UBE2E2: variants seen among roughly 807,000 people sequenced by gnomAD.
UBE2E2 encodes the protein ubiquitin-conjugating enzyme E2 E2.
Under a neutral mutation model 24.7 loss-of-function variants are expected in UBE2E2, and 6 were observed. The observed-to-expected ratio is 0.24, with a 90% CI of 0.13 to 0.48. The LOEUF is 0.48. Ranked by LOEUF, UBE2E2 falls within the 20% of genes least tolerant of loss-of-function variation. The probability of loss-of-function intolerance (pLI) is 0.99; values close to 1 mark genes in which losing one functional copy is unlikely to be tolerated. For missense variants in UBE2E2, 169 were observed against 245.0 expected (o/e 0.69, Z 2.07); for synonymous variants, 104 against 83.6 (o/e 1.24, Z -1.33).
At position 23,559,910 on chromosome 3, in the gene UBE2E2, A is replaced by G. The variant is rs115896792; in HGVS notation, c.508+27209A>G. 7.7e-3 allele frequency among the ~76,000 whole-genome samples: 1,171 copies of G among 152,210 alleles called. 10 individuals are homozygous for G. The highest frequency in any genetic ancestry group is 0.021 in the African/African-American group (852 of 41,540). ...AGCTCTGTAAGTACATACTGGACCTAATTTGCAAGTAAAAATATACCTCAT... is the reference window on the plus strand; with the variant it reads ...AGCTCTGTAAGTACATACTGGACCTGATTTGCAAGTAAAAATATACCTCAT... On this transcript the variant is annotated intron_variant, in intron 5 of 5. Coordinates refer to ENST00000396703, the MANE Select transcript of UBE2E2 (RefSeq NM_152653.4).
At chr3:23,535,474 C>T (rs917468423) in intron 5 of UBE2E2, among the ~76,000 whole-genome samples, 7 of 152,028 alleles carry the variant, frequency 4.6e-5, no homozygotes, top group African/African-American at 1.7e-4. Flanking sequence ...ACTCAGGTGG[C>T]AGATGTCCAA....
intron 3 of UBE2E2, among the ~76,000 whole-genome samples, chr3:23,296,511 A>G (rs905045533): frequency 1.6e-4 from 25 of 152,078 alleles, no homozygotes; most frequent in Admixed American, 1.5e-3. Context: ...TCCTGTGCCC[A>G]TGTGTTCTCA....
At chr3:23,355,541 C>A (rs7643705) in intron 3 of UBE2E2, among the ~76,000 whole-genome samples, 128,185 of 152,160 alleles carry the variant, frequency 0.84, 54,122 homozygotes, top group African/African-American at 0.91. Context: ...TTAAATGACA[C>A]GGTTGATTTT....
At chr3:23,492,003 T>A (rs572147523) in intron 3 of UBE2E2, among the ~76,000 whole-genome samples, 1 of 152,072 alleles carries the variant, frequency 6.6e-6, no homozygotes, top group Non-Finnish European at 1.5e-5. Context: ...AGATTAGAGA[T>A]GCTAACAGTT....
At chr3:23,562,860 G>A (rs1237957398) in intron 5 of UBE2E2, among the ~76,000 whole-genome samples, 2 of 152,200 alleles carry the variant, frequency 1.3e-5, no homozygotes, top group Non-Finnish European at 2.9e-5. Flanking sequence ...TTTGCATAGA[G>A]GTGTTTATAG....
At chr3:23,212,305 G>A (rs1362470831) in intron 2 of UBE2E2, among the ~76,000 whole-genome samples, 1 of 152,100 alleles carries the variant, frequency 6.6e-6, no homozygotes, top group Non-Finnish European at 1.5e-5. Context: ...TTAAAAAATT[G>A]TCATGCTCTT....
At chr3:23,419,676 C>T (rs1697746653) in intron 3 of UBE2E2, among the ~76,000 whole-genome samples, 1 of 152,168 alleles carries the variant, frequency 6.6e-6, no homozygotes, top group South Asian at 2.1e-4. Flanking sequence ...TCCCTGAGAG[C>T]AGGGACATAC....
chr3:23,301,505 G>C (rs1699090294), intron 3 of UBE2E2, among the ~76,000 whole-genome samples: 2 of 152,202 alleles, frequency 1.3e-5, no homozygotes, highest in Non-Finnish European at 2.9e-5. Context: ...CTAACAGTCA[G>C]GACCCTCAGC....
At chr3:23,380,527 A>T (rs1478145446) in intron 3 of UBE2E2, among the ~76,000 whole-genome samples, 1 of 152,152 alleles carries the variant, frequency 6.6e-6, no homozygotes, top group African/African-American at 2.4e-5. Flanking sequence ...GCCCAGCCTC[A>T]CTTTCTTCTT....
intron 3 of UBE2E2, among the ~76,000 whole-genome samples, chr3:23,496,421 G>A (rs1005056094): frequency 6.6e-6 from 1 of 152,056 alleles, no homozygotes; most frequent in African/African-American, 2.4e-5. Context: ...TCCTACCCAG[G>A]AAACCACTCT....
intron 3 of UBE2E2, among the ~76,000 whole-genome samples, chr3:23,319,345 A>G (rs1356334476): frequency 6.6e-6 from 1 of 152,218 alleles, no homozygotes; most frequent in African/African-American, 2.4e-5. Flanking sequence ...GAACAGTTAT[A>G]GGTGAACAAA....
chr3:23,206,730 C>G (rs78846618), intron 1 of UBE2E2, among the ~76,000 whole-genome samples: 5 of 152,192 alleles, frequency 3.3e-5, no homozygotes, highest in African/African-American at 9.6e-5. Flanking sequence ...CATTAAAGAT[C>G]GGTGTTACAA....
At chr3:23,225,228 C>T (rs1696786201) in intron 3 of UBE2E2, among the ~76,000 whole-genome samples, 1 of 143,698 alleles carries the variant, frequency 7.0e-6, no homozygotes, top group Non-Finnish European at 1.6e-5. Context: ...CAACTATCTT[C>T]CTCCATTCTG....
rs536665422 is a variant in UBE2E2, at chr3:23,425,290, A to G, written c.228-74318A>G. On this transcript the variant is annotated intron_variant, in intron 3 of 5. Transcript: ENST00000396703. ...TCTAACCCAGTTCTGATGACATTAA[A>G]TAGATCCTAGATAGTTGGACAAATC... 2.6e-5 allele frequency among the ~76,000 whole-genome samples: 4 copies of G among 152,222 alleles called. No homozygotes were observed. The South Asian group carries it at 8.3e-4, about 32-fold the overall frequency.
chr3:23,584,563 T>C (rs1696566381), intron 5 of UBE2E2, among the ~76,000 whole-genome samples: 5 of 151,566 alleles, frequency 3.3e-5, no homozygotes, highest in African/African-American at 1.2e-4. Flanking sequence ...AATCTTTTTT[T>C]TTTTTTCTGG....
intron 3 of UBE2E2, among the ~76,000 whole-genome samples, chr3:23,334,482 G>A (rs1403569097): frequency 6.6e-6 from 1 of 152,008 alleles, no homozygotes; most frequent in Non-Finnish European, 1.5e-5. Flanking sequence ...TACAAAAAGA[G>A]GCTAGTATAT....
intron 3 of UBE2E2, among the ~76,000 whole-genome samples, chr3:23,322,650 G>A (rs1480420709): frequency 1.3e-5 from 2 of 151,972 alleles, no homozygotes; most frequent in African/African-American, 4.8e-5. Flanking sequence ...TCATTTTGAT[G>A]AAGTAATTAA....
At chr3:23,538,221 G>A (rs775836868) in intron 5 of UBE2E2, among the ~76,000 whole-genome samples, 5 of 152,000 alleles carry the variant, frequency 3.3e-5, no homozygotes, top group Non-Finnish European at 7.4e-5. Flanking sequence ...GTAGAAATAC[G>A]TGGCACAACA....
At chr3:23,576,502 C>G (rs998547582) in intron 5 of UBE2E2, among the ~76,000 whole-genome samples, 1 of 152,156 alleles carries the variant, frequency 6.6e-6, no homozygotes, top group Non-Finnish European at 1.5e-5. Context: ...CACCATGTCC[C>G]TATCTCTGAC....
Sources: allele counts gnomAD v4.1 joint callset (sites outside exome capture counted in the v4.1 genomes callset), GRCh38; gene constraint gnomAD v4.1.1; transcripts MANE v1.5; gene names NCBI Gene and HGNC (gene_info 2026-07-23, HGNC 2026-07-21).